The following RAPGEF2 variants were observed in gnomAD, a reference collection of about 807,000 sequenced individuals.
RAPGEF2 encodes the protein PDZ domain containing guanine nucleotide exchange factor (GEF) 1.
Under a neutral mutation model 186.7 loss-of-function variants are expected in RAPGEF2, and 54 were observed. That is an observed-to-expected ratio of 0.29 (90% CI 0.23 to 0.36). The LOEUF (loss-of-function observed/expected upper bound fraction) is 0.36. Ranked by LOEUF, RAPGEF2 falls within the 10% of genes least tolerant of loss-of-function variation. The pLI, the probability that RAPGEF2 is intolerant of heterozygous loss-of-function variation, is 1.00. For missense variants in RAPGEF2, 1,532 were observed against 2,045.0 expected (o/e 0.75, Z 4.84); for synonymous variants, 712 against 705.9 (o/e 1.01, Z -0.14).
At chr4:159,237,826 T>C in intron 4 of RAPGEF2, among the ~76,000 whole-genome samples, 1 of 136,116 alleles carries the variant, frequency 7.3e-6, no homozygotes. Flanking sequence ...TAGCTAGACT[T>C]TGTCTCTACA....
At chr4:159,154,416 G>A (rs941437943) in intron 1 of RAPGEF2, among the ~76,000 whole-genome samples, 4 of 151,428 alleles carry the variant, frequency 2.6e-5, no homozygotes, top group Non-Finnish European at 2.9e-5. Flanking sequence ...AAGTCTTTGT[G>A]TACTATATTT....
At chr4:159,209,519 T>C (rs933532786) in intron 3 of RAPGEF2, among the ~76,000 whole-genome samples, 5 of 152,342 alleles carry the variant, frequency 3.3e-5, no homozygotes, top group African/African-American at 1.2e-4. Flanking sequence ...TGCTCAAATG[T>C]CTTCTCTATG....
chr4:159,132,936 G>T, intron 1 of RAPGEF2, among the ~76,000 whole-genome samples: 1 of 146,346 alleles, frequency 6.8e-6, no homozygotes, highest in African/African-American at 2.5e-5. Flanking sequence ...GTTATACAGT[G>T]CAGTCTTACT....
chr4:159,108,387 T>A, intron 1 of RAPGEF2, among the ~76,000 whole-genome samples: 1 of 142,484 alleles, frequency 7.0e-6, no homozygotes, highest in African/African-American at 2.7e-5. Context: ...AACTTTCTTT[T>A]TTTTTTTTTT....
intron 19 of RAPGEF2, among the ~76,000 whole-genome samples, chr4:159,339,572 T>A (rs1355895091): frequency 6.6e-6 from 1 of 152,086 alleles, no homozygotes; most frequent in Non-Finnish European, 1.5e-5. Flanking sequence ...TCTTAGGAAC[T>A]TGTTCAAGGC....
chr4:159,143,184 C>T (rs1385418203), intron 1 of RAPGEF2, among the ~76,000 whole-genome samples: 2 of 151,884 alleles, frequency 1.3e-5, no homozygotes, highest in African/African-American at 2.4e-5. Context: ...ATATGATGAT[C>T]GCTCCTCTGC....
At chr4:159,136,554 A>G (rs187783463) in intron 1 of RAPGEF2, among the ~76,000 whole-genome samples, 119 of 152,292 alleles carry the variant, frequency 7.8e-4, no homozygotes, top group African/African-American at 2.4e-3. Context: ...TCAGGCTACT[A>G]TGCTTTTTAA....
intron 9 of RAPGEF2, among the ~76,000 whole-genome samples, chr4:159,320,733 C>G (rs918824452): frequency 3.9e-5 from 6 of 152,076 alleles, no homozygotes; most frequent in African/African-American, 1.4e-4. Context: ...AATATATTCA[C>G]AGAATATATT....
At chr4:159,192,988 A>G (rs1748271864) in intron 2 of RAPGEF2, among the ~76,000 whole-genome samples, 1 of 152,160 alleles carries the variant, frequency 6.6e-6, no homozygotes, top group Non-Finnish European at 1.5e-5. Flanking sequence ...CTTACTAGAT[A>G]TTTTCTTTTC....
At chr4:159,262,610 G>T (rs59136094) in intron 7 of RAPGEF2, among the ~76,000 whole-genome samples, 657 of 152,254 alleles carry the variant, frequency 4.3e-3, no homozygotes, top group African/African-American at 0.015. Flanking sequence ...ATTTTTAAAA[G>T]CCCCACATGG....
chr4:159,310,905 T>C (rs1763875709), intron 8 of RAPGEF2, among the ~76,000 whole-genome samples: 1 of 152,172 alleles, frequency 6.6e-6, no homozygotes, highest in South Asian at 2.1e-4. Context: ...AAGTGTTATG[T>C]TCATAGGCAA....
At chr4:159,118,670 C>G (rs1414197565) in intron 1 of RAPGEF2, among the ~76,000 whole-genome samples, 2 of 152,136 alleles carry the variant, frequency 1.3e-5, no homozygotes, top group South Asian at 2.1e-4. Flanking sequence ...ACCGCAACCT[C>G]CGCCTCCCGG....
intron 20 of RAPGEF2, among the ~76,000 whole-genome samples, chr4:159,342,477 G>A (rs1341108702): frequency 6.6e-6 from 1 of 150,536 alleles, no homozygotes; most frequent in Non-Finnish European, 1.5e-5. Context: ...TATTAAATTA[G>A]TCATTTTCTC....
At chr4:159,330,574 C>T (rs1766550831) in intron 13 of RAPGEF2, 76 bp downstream of exon 13, 2 of 1,054,146 alleles carry the variant, frequency 1.9e-6, no homozygotes. Flanking sequence ...ATATTTGTCA[C>T]AGCAATTATG....
intron 1 of RAPGEF2, among the ~76,000 whole-genome samples, chr4:159,182,386 C>CTTTTTTT (rs575743979): frequency 4.8e-4 from 41 of 85,670 alleles, no homozygotes; most frequent in African/African-American, 1.0e-3. Flanking sequence ...TTCTTTTCTT[C>CTTTTTTT]TTTTTTTTTT....
chr4:159,301,774 A>G (rs946949065), intron 7 of RAPGEF2, among the ~76,000 whole-genome samples: 2 of 152,218 alleles, frequency 1.3e-5, no homozygotes, highest in Non-Finnish European at 2.9e-5. Context: ...TGGAAGGATC[A>G]CTTCAGCCCA....
At chr4:159,328,784 A>G (rs1003205699) in intron 11 of RAPGEF2, 5 of 152,210 alleles carry the variant, frequency 3.3e-5, no homozygotes, top group African/African-American at 1.2e-4. Context: ...GATTAGGAGG[A>G]TGAATTGAAA....
intron 7 of RAPGEF2, among the ~76,000 whole-genome samples, chr4:159,254,844 G>C (rs1311342607): frequency 6.6e-6 from 1 of 151,986 alleles, no homozygotes; most frequent in African/African-American, 2.4e-5. Flanking sequence ...CAGGTGATCC[G>C]CCTGCCTCGG....
At chr4:159,284,124 C>T (rs558245168) in intron 7 of RAPGEF2, among the ~76,000 whole-genome samples, 104 of 152,310 alleles carry the variant, frequency 6.8e-4, no homozygotes, top group Non-Finnish European at 1.3e-3. Context: ...CATAAAAGCT[C>T]TGAAATCTGT....
Sources: allele counts gnomAD v4.1 joint callset (sites outside exome capture counted in the v4.1 genomes callset), GRCh38; gene constraint gnomAD v4.1.1; transcripts MANE v1.5; gene names NCBI Gene and HGNC (gene_info 2026-07-23, HGNC 2026-07-21).